GTF2IRD1: variants seen among roughly 807,000 people sequenced by gnomAD.
The protein encoded by GTF2IRD1 is GTF2I repeat domain containing 1, also known as general transcription factor II-I repeat domain-containing protein 1.
In GTF2IRD1, 26 loss-of-function variants were observed where a neutral mutation model predicts 113.2. The ratio of observed to expected loss-of-function variants is 0.23; its 90% CI spans 0.17 to 0.32. The LOEUF is 0.32. Among genes scored for constraint, GTF2IRD1 ranks in the 10% least tolerant of loss-of-function variants. The pLI, the probability that GTF2IRD1 is intolerant of heterozygous loss-of-function variation, is 1.00. For synonymous variants in GTF2IRD1, 484 were observed against 529.1 expected (o/e 0.91, Z 1.17); for missense variants, 864 against 1,280.8 (o/e 0.67, Z 4.97).
chr7:74,462,209 T>TA lies in GTF2IRD1; in HGVS notation c.-7+8043dup, dbSNP rs200330620. On this transcript the variant is annotated intron_variant, in intron 1 of 26. Coordinates refer to ENST00000424337, the MANE Select transcript of GTF2IRD1 (RefSeq NM_005685.4). ...GGCAACATAGCAAGACCCCGTCTCT[T>TA]AAAAAAAAAATTAGCCGGGTGTGGT... Among the ~76,000 whole-genome samples, 123 of 149,520 alleles carry TA rather than the reference T, an allele frequency of 8.2e-4. No homozygotes were observed. In the East Asian group the frequency reaches 9.0e-3, roughly 11 times the overall value.
intron 14 of GTF2IRD1, 64 bp downstream of exon 14, chr7:74,540,032 G>GGT: frequency 8.3e-7 from 1 of 1,209,982 alleles, no homozygotes; most frequent in Non-Finnish European, 1.2e-6. Flanking sequence ...AAGGGAAAGG[G>GGT]GTGGGCCAGG....
intron 4 of GTF2IRD1, among the ~76,000 whole-genome samples, chr7:74,517,402 G>A (rs587633962): frequency 3.5e-5 from 5 of 142,786 alleles, no homozygotes; most frequent in South Asian, 4.6e-4. Context: ...CCCCCCTCTC[G>A]GTCTCTCTCC....
chr7:74,486,520 C>T (rs1795038943), intron 1 of GTF2IRD1, among the ~76,000 whole-genome samples: 1 of 152,218 alleles, frequency 6.6e-6, no homozygotes, highest in Admixed American at 6.5e-5. Context: ...GGGAATGCCT[C>T]ACTGGTTAGA....
At chr7:74,462,629 C>A (rs1044435865) in intron 1 of GTF2IRD1, among the ~76,000 whole-genome samples, 3 of 152,166 alleles carry the variant, frequency 2.0e-5, no homozygotes, top group African/African-American at 7.2e-5. Flanking sequence ...GCTCGGGACC[C>A]CCCAGAAGAA....
intron 16 of GTF2IRD1, 143 bp from the exon 17 acceptor site, chr7:74,546,960 C>T: frequency 1.4e-6 from 1 of 726,932 alleles, no homozygotes; most frequent in Admixed American, 2.4e-5. Flanking sequence ...GCTGGGGGGC[C>T]ACTCTTTCCA....
In GTF2IRD1 at chr7:74,528,192, C is replaced by T. The variant is rs1583798235; in HGVS notation, c.1091-1542C>T. Among the ~76,000 whole-genome samples, 2 of 152,146 alleles carry T rather than the reference C, an allele frequency of 1.3e-5. 1 individual carries two copies. Among genetic ancestry groups the T allele is most frequent in the South Asian group, 4.1e-4 (2 of 4,830 alleles). ...AGTGTGTGCCCAGCCCCATTGAGGT[C>T]GCAGTGGCAAGGCAGAAAACAAAAC... is the stretch of plus-strand genomic sequence containing the variant. On this transcript the variant is annotated intron_variant, in intron 8 of 26. Transcript: ENST00000424337.
intron 17 of GTF2IRD1, among the ~76,000 whole-genome samples, chr7:74,548,295 G>T (rs1230973022): frequency 6.6e-6 from 1 of 152,120 alleles, no homozygotes; most frequent in Non-Finnish European, 1.5e-5. Context: ...GGTGGTGGGT[G>T]CCTGTAGTTC....
intron 1 of GTF2IRD1, among the ~76,000 whole-genome samples, chr7:74,479,391 G>T (rs1425647164): frequency 1.0e-5 from 1 of 99,952 alleles, no homozygotes; most frequent in Non-Finnish European, 1.9e-5. Context: ...GCTCAGGCCC[G>T]ACCAGGACAC....
intron 1 of GTF2IRD1, among the ~76,000 whole-genome samples, chr7:74,494,621 T>G (rs1795551680): frequency 6.6e-6 from 1 of 152,102 alleles, no homozygotes; most frequent in Non-Finnish European, 1.5e-5. Flanking sequence ...TATTAAGAAC[T>G]TATTTATTTA....
Position 74,597,293 on chromosome 7 carries a change from C to T in GTF2IRD1, c.2629+2242C>T, listed in dbSNP as rs189050943. On this transcript the variant is annotated intron_variant, in intron 25 of 26. Coordinates refer to ENST00000424337, the MANE Select transcript of GTF2IRD1 (RefSeq NM_005685.4). ...TCCTGACCTCATGATCTACCTGCCT[C>T]GGCCCCCCAAAGTGCTGGGATTACA... Among the ~76,000 whole-genome samples the T allele has an allele frequency of 8.6e-4, 130 of 151,498 alleles. 1 individual carries two copies. In the East Asian group the frequency reaches 0.016, roughly 19 times the overall value.
Position 74,471,700 on chromosome 7 carries a change from A to AC in GTF2IRD1, c.-7+17524_-7+17525insC, listed in dbSNP as rs1324662259. Among the ~76,000 whole-genome samples the AC allele has an allele frequency of 2.0e-3, 203 of 102,570 alleles. 1 individual carries two copies. Among genetic ancestry groups the AC allele is most frequent in the East Asian group, 6.8e-3 (24 of 3,534 alleles). The allele number at this position is 102,570 out of a possible 152,430, so 67.3% of individuals were successfully genotyped here. On this transcript the variant is annotated intron_variant, in intron 1 of 26. Coordinates refer to ENST00000424337, the MANE Select transcript of GTF2IRD1 (RefSeq NM_005685.4). ...AAAAAAAAAAAAAAACAAAAAAAAA[A>AC]ACAAAAAAAACGGCCGGGTGCGGTG...
At chr7:74,498,772 AGGCT>A (rs1795867000) in intron 1 of GTF2IRD1, among the ~76,000 whole-genome samples, 1 of 150,176 alleles carries the variant, frequency 6.7e-6, no homozygotes, top group Non-Finnish European at 1.5e-5. Flanking sequence ...TCTTTCACCC[AGGCT>A]GGAGTGCAGT....
intron 8 of GTF2IRD1, among the ~76,000 whole-genome samples, chr7:74,529,319 T>C (rs1485020822): frequency 1.3e-5 from 2 of 152,120 alleles, no homozygotes; most frequent in Non-Finnish European, 2.9e-5. Flanking sequence ...AGTGGCATGA[T>C]CTTGGCTCAC....
At chr7:74,543,588 G>C (rs782609710) in intron 14 of GTF2IRD1, among the ~76,000 whole-genome samples, 6 of 152,198 alleles carry the variant, frequency 3.9e-5, no homozygotes, top group Admixed American at 2.0e-4. Context: ...ATATGAAACA[G>C]TTAAATGATA....
At chr7:74,561,787 A>G (rs1799981186) in intron 22 of GTF2IRD1, among the ~76,000 whole-genome samples, 1 of 152,038 alleles carries the variant, frequency 6.6e-6, no homozygotes, top group South Asian at 2.1e-4. Flanking sequence ...GTGGTATTCT[A>G]GAGGAACTAG....
At chr7:74,592,958 A>G (rs1802152520) in intron 24 of GTF2IRD1, among the ~76,000 whole-genome samples, 1 of 151,810 alleles carries the variant, frequency 6.6e-6, no homozygotes, top group Non-Finnish European at 1.5e-5. Context: ...CTTGGATTCA[A>G]GCAATTCTTG....
In GTF2IRD1 at chr7:74,590,577, G is replaced by A. The variant is rs1349953433; in HGVS notation, c.2399-248G>A. Among the ~76,000 whole-genome samples, 5 of 151,698 alleles carry A rather than the reference G, an allele frequency of 3.3e-5. No homozygotes were observed. In the East Asian group the frequency reaches 9.7e-4, roughly 29 times the overall value. On this transcript the variant is annotated intron_variant, in intron 23 of 26. Coordinates refer to ENST00000424337, the MANE Select transcript of GTF2IRD1 (RefSeq NM_005685.4). ...CTAATTTTTTTGTATTTTTTTAGTA[G>A]AGACGAGGTTTTACCGAGTTAGCCA...
At chr7:74,568,758 G>T (rs1315410117) in intron 22 of GTF2IRD1, among the ~76,000 whole-genome samples, 1 of 152,180 alleles carries the variant, frequency 6.6e-6, no homozygotes, top group Non-Finnish European at 1.5e-5. Flanking sequence ...GGGAGGGACA[G>T]GGGAGGGTGA....
chr7:74,513,055 G>C, intron 3 of GTF2IRD1, 84 bp downstream of exon 3: 1 of 1,356,486 alleles, frequency 7.4e-7, no homozygotes, highest in South Asian at 1.3e-5. Context: ...CCCCAACCCT[G>C]TCTAGCCAGG....
Sources: allele counts gnomAD v4.1 joint callset (sites outside exome capture counted in the v4.1 genomes callset), GRCh38; gene constraint gnomAD v4.1.1; transcripts MANE v1.5; gene names NCBI Gene and HGNC (gene_info 2026-07-23, HGNC 2026-07-21).